The following F13A1 variants were observed in gnomAD, a reference collection of about 807,000 sequenced individuals.
F13A1 encodes the protein FSF, A subunit.
Under a neutral mutation model 80.1 loss-of-function variants are expected in F13A1, and 47 were observed. The observed-to-expected ratio is 0.59, with a 90% CI of 0.46 to 0.75. The LOEUF (loss-of-function observed/expected upper bound fraction) is 0.75. Among genes scored for constraint, F13A1 ranks in the 30% least tolerant of loss-of-function variants. F13A1 has a pLI of 0.00. For missense variants in F13A1, 817 were observed against 930.4 expected (o/e 0.88, Z 1.59); for synonymous variants, 349 against 344.9 (o/e 1.01, Z -0.13).
Position 6,211,216 on chromosome 6 carries a change from C to A in F13A1, c.1112+10817G>T, listed in dbSNP as rs532177443. On this transcript the variant is annotated intron_variant, in intron 8 of 14. Transcript: ENST00000264870. ...TGTCAGCACTTAAATCAGGGCATTG[C>A]AAAAAAAAGTATTTTTGTGAACATG... 2.0e-5 allele frequency among the ~76,000 whole-genome samples: 3 copies of A among 151,306 alleles called. No homozygotes were observed. In the East Asian group the frequency reaches 5.8e-4, roughly 29 times the overall value.
At chr6:6,190,250 TGTTCCTTTGCTGGTGAGGAACTGC>T (rs1311070027) in intron 10 of F13A1, among the ~76,000 whole-genome samples, 3 of 152,240 alleles carry the variant, frequency 2.0e-5, no homozygotes, top group Non-Finnish European at 2.9e-5. Context: ...CGTCCAGCTT[TGTTCCTTTGCTGGTGAGGAACTGC>T]GTTCCTTTGG....
intron 13 of F13A1, among the ~76,000 whole-genome samples, chr6:6,161,381 G>A (rs1014095499): frequency 5.3e-5 from 8 of 152,110 alleles, no homozygotes; most frequent in African/African-American, 1.2e-4. Flanking sequence ...AGGTCTGGAC[G>A]TGGGCCATGC....
chr6:6,235,837 C>G (rs528759479), intron 6 of F13A1, among the ~76,000 whole-genome samples: 2 of 152,046 alleles, frequency 1.3e-5, no homozygotes, highest in Admixed American at 6.6e-5. Flanking sequence ...TTACTAAAGT[C>G]TTCCAAGCTA....
chr6:6,290,977 A>G (rs558469268), intron 3 of F13A1, among the ~76,000 whole-genome samples: 2 of 152,344 alleles, frequency 1.3e-5, no homozygotes, highest in African/African-American at 2.4e-5. Context: ...ATCACACATC[A>G]GCATGATGAT....
chr6:6,318,505 G>A (rs1376035549), intron 2 of F13A1, 30 bp downstream of exon 2: 2 of 1,604,422 alleles, frequency 1.2e-6, no homozygotes, highest in Admixed American at 1.7e-5. Flanking sequence ...CCTGGACCCA[G>A]AGTGGTGGGG....
intron 13 of F13A1, among the ~76,000 whole-genome samples, chr6:6,166,181 G>A (rs1191661051): frequency 6.6e-6 from 1 of 152,244 alleles, no homozygotes; most frequent in African/African-American, 2.4e-5. Flanking sequence ...ACCTCTCTGT[G>A]CTTCAGTTTT....
chr6:6,311,724 CAAATATATATTATTTATATATTAT>C (rs1758601615), intron 2 of F13A1, among the ~76,000 whole-genome samples: 1 of 13,198 alleles, frequency 7.6e-5, no homozygotes, highest in Non-Finnish European at 1.3e-4. Context: ...TAATATATTA[CAAATATATATTATTTATATATTAT>C]ATATTACAAA....
intron 12 of F13A1, among the ~76,000 whole-genome samples, chr6:6,173,985 T>C (rs1020710615): frequency 1.3e-5 from 2 of 152,206 alleles, no homozygotes; most frequent in African/African-American, 2.4e-5. Flanking sequence ...AGCTGGCTCA[T>C]GGACCACACT....
chr6:6,167,795 G>A (rs1297224210), intron 12 of F13A1, among the ~76,000 whole-genome samples, 177 bp from the exon 13 acceptor site: 2 of 152,168 alleles, frequency 1.3e-5, no homozygotes, highest in Non-Finnish European at 2.9e-5. Flanking sequence ...TGCTTCTTAG[G>A]TAAAGAATGT....
chr6:6,299,938 C>G (rs1466931213), intron 3 of F13A1, among the ~76,000 whole-genome samples: 1 of 147,276 alleles, frequency 6.8e-6, no homozygotes, highest in African/African-American at 2.7e-5. Flanking sequence ...GTGTGGATGT[C>G]CTTTCTGTTT....
At chr6:6,229,348 A>C (rs919683966) in intron 6 of F13A1, among the ~76,000 whole-genome samples, 1 of 152,200 alleles carries the variant, frequency 6.6e-6, no homozygotes, top group Admixed American at 6.5e-5. Flanking sequence ...GGACCAAATC[A>C]TACCATTACA....
At chr6:6,248,794 G>A in intron 5 of F13A1, among the ~76,000 whole-genome samples, 1 of 152,184 alleles carries the variant, frequency 6.6e-6, no homozygotes, top group East Asian at 1.9e-4. Context: ...TCAGGCCAGA[G>A]TCTTAGGACC....
intron 12 of F13A1, 147 bp from the exon 13 acceptor site, chr6:6,167,765 C>G: frequency 2.4e-6 from 2 of 821,140 alleles, no homozygotes; most frequent in Non-Finnish European, 4.0e-6. Flanking sequence ...AACAAAGAGT[C>G]AATTGGGGAT....
At chr6:6,192,229 G>C (rs903985934) in intron 10 of F13A1, among the ~76,000 whole-genome samples, 1 of 152,192 alleles carries the variant, frequency 6.6e-6, no homozygotes, top group African/African-American at 2.4e-5. Flanking sequence ...TTATTGTAAG[G>C]GTGGTGGAAC....
intron 6 of F13A1, among the ~76,000 whole-genome samples, chr6:6,235,798 A>G (rs1757405861): frequency 6.6e-6 from 1 of 152,132 alleles, no homozygotes; most frequent in Non-Finnish European, 1.5e-5. Flanking sequence ...ACCTAAGAGA[A>G]ATAAAAGCTT....
At chr6:6,288,644 G>A (rs1256085427) in intron 3 of F13A1, among the ~76,000 whole-genome samples, 4 of 152,176 alleles carry the variant, frequency 2.6e-5, no homozygotes, top group Admixed American at 6.5e-5. Flanking sequence ...TCAACATCCT[G>A]ATTTCAATTT....
intron 3 of F13A1, among the ~76,000 whole-genome samples, chr6:6,267,867 C>T (rs532505925): frequency 6.6e-6 from 1 of 152,320 alleles, no homozygotes. Flanking sequence ...TCAACCTCAG[C>T]TTCACCTTTG....
chr6:6,222,300 A>C, intron 7 of F13A1, 129 bp from the exon 8 acceptor site: 4 of 1,262,902 alleles, frequency 3.2e-6, no homozygotes, highest in Non-Finnish European at 2.3e-6. Flanking sequence ...TGTTATTCTC[A>C]AATGTTCCAT....
rs145322381 is a variant in F13A1, at chr6:6,191,289, G to A, written c.1305+4508C>T. ...TCTCTCTGAGCCTACCTTCCTTGTC[G>A]GGCTGGTGGATAGATTGGTACTACT... On this transcript the variant is annotated intron_variant, in intron 10 of 14. Transcript: ENST00000264870. 2.7e-3 allele frequency among the ~76,000 whole-genome samples: 416 copies of A among 152,182 alleles called. 3 individuals carry two copies. Among genetic ancestry groups the A allele is most frequent in the African/African-American group, 9.7e-3 (401 of 41,512 alleles).
Sources: allele counts gnomAD v4.1 joint callset (sites outside exome capture counted in the v4.1 genomes callset), GRCh38; gene constraint gnomAD v4.1.1; transcripts MANE v1.5; gene names NCBI Gene and HGNC (gene_info 2026-07-23, HGNC 2026-07-21).